The following ZNF469 variants were observed in gnomAD, a reference collection of about 807,000 sequenced individuals.
ZNF469 encodes zinc finger protein 469.
In ZNF469, 1 loss-of-function variant was observed where a neutral mutation model predicts 1.0. The ratio of observed to expected loss-of-function variants is 1.00; its 90% CI spans 0.35 to 4.73. The LOEUF (loss-of-function observed/expected upper bound fraction) is 4.73. ZNF469 is among the 30% of genes most tolerant of loss of function. ZNF469 has a pLI of 0.16. For missense variants in ZNF469, 6,100 were observed against 5,356.3 expected (o/e 1.14, Z -4.33); for synonymous variants, 2,703 against 2,363.4 (o/e 1.14, Z -4.17).
chr16:88,427,954 C>T lies in ZNF469; in HGVS notation c.484C>T (p.Leu162Phe). Residue 162 changes from leucine (L) to phenylalanine (F), a missense_variant, in exon 3 of 3, where the codon CTC becomes TTC. Leu to Phe is a conservative substitution (Grantham distance 22). Transcript: ENST00000565624. ...TPQGPGTGAP[L>F]RPGLPRTEAQ... ...CCAGGGCCCTGGGACTGGAGCTCCA[C>T]TCAGGCCGGGCCTCCCAAGGACTGA... 1 of 1,550,006 alleles carries T rather than the reference C, an allele frequency of 6.5e-7. No individual in the cohort carries two copies. The highest frequency in any genetic ancestry group is 8.7e-7 in the Non-Finnish European group (1 of 1,146,888).
the ZNF469 span, among the ~76,000 whole-genome samples, chr16:88,189,143 A>G: frequency 1.3e-5 from 2 of 152,242 alleles, no homozygotes; most frequent in Non-Finnish European, 2.9e-5. The surrounding 1 kb of genome is among the most constrained non-coding windows in gnomAD (Gnocchi z 4.3). Context: ...AGCTCCTAAC[A>G]GTCGGCTGCA....
Position 88,427,438 on chromosome 16 carries a change from G to C in ZNF469, c.-33G>C. 1 of 1,457,136 alleles carries C rather than the reference G, an allele frequency of 6.9e-7. No homozygotes were observed. The highest frequency in any genetic ancestry group is 2.5e-5 in the East Asian group (1 of 39,936). The allele number at this position is 1,457,136 out of a possible 1,614,324, so 90.3% of individuals were successfully genotyped here. On this transcript the variant is annotated 5_prime_UTR_variant, in exon 3 of 3. Coordinates refer to ENST00000565624, the MANE Select transcript of ZNF469 (RefSeq NM_001367624.2). ...CACTCCCCAGGGCCCCCCTCGGACA[G>C]CTGCGTCGTCCTAGCGCCAGGACGG...
intron 1 of ZNF469, among the ~76,000 whole-genome samples, 42 bp downstream of exon 1, chr16:88,383,296 G>A (rs1427364787): frequency 9.5e-5 from 14 of 147,414 alleles, no homozygotes; most frequent in African/African-American, 2.7e-4. Flanking sequence ...GGTGCCTGGG[G>A]ACCCCGGGCT....
the ZNF469 span, among the ~76,000 whole-genome samples, chr16:88,111,510 T>C: frequency 4.9e-5 from 1 of 20,448 alleles, no homozygotes; most frequent in South Asian, 1.5e-3. Flanking sequence ...TGTCTTTTTG[T>C]ACCCATTAAC....
chr16:88,125,683 A>C, the ZNF469 span, among the ~76,000 whole-genome samples: 1 of 152,248 alleles, frequency 6.6e-6, no homozygotes, highest in African/African-American at 2.4e-5. Flanking sequence ...ATATGATCTG[A>C]AGAGAAATCA....
chr16:88,369,115 G>A, the ZNF469 span, among the ~76,000 whole-genome samples: 8 of 150,846 alleles, frequency 5.3e-5, no homozygotes, highest in Admixed American at 1.3e-4. Flanking sequence ...GGTCTCCACA[G>A]CTTCCACTTT....
At chr16:88,350,360 C>T in the ZNF469 span, among the ~76,000 whole-genome samples, 35 of 152,358 alleles carry the variant, frequency 2.3e-4, no homozygotes, top group African/African-American at 7.7e-4. Flanking sequence ...CGCCACATCC[C>T]GGCACAAGGC....
the ZNF469 span, among the ~76,000 whole-genome samples, chr16:88,155,717 C>T: frequency 6.6e-6 from 1 of 152,192 alleles, no homozygotes; most frequent in Non-Finnish European, 1.5e-5. Context: ...GAATTTAGGT[C>T]GTTTTCACTT....
chr16:88,438,787 C>G lies in ZNF469; in HGVS notation c.11317C>G (p.Arg3773Gly), dbSNP rs976249492. Reference sequence around the variant, plus strand: ...CCCAGCCAAGCCCAGCTTCCCCAGCCGGAGCCCTGCACCAGAGAGGCTCCC... The same window carrying G: ...CCCAGCCAAGCCCAGCTTCCCCAGCGGGAGCCCTGCACCAGAGAGGCTCCC... ...TTPAKPSFPS[R>G]SPAPERLPAR... is the part of the protein sequence containing the mutation. The change falls in exon 3 of 3, where the codon CGG becomes GGG. Residue 3773 changes from arginine (R) to glycine (G), a missense_variant. Coordinates refer to ENST00000565624, the MANE Select transcript of ZNF469 (RefSeq NM_001367624.2). The G allele has an allele frequency of 1.8e-5, 28 of 1,550,080 alleles. No homozygotes were observed. Among genetic ancestry groups the G allele is most frequent in the Non-Finnish European group, 2.0e-5 (23 of 1,146,916 alleles).
chr16:88,144,241 C>T, the ZNF469 span, among the ~76,000 whole-genome samples: 1 of 152,226 alleles, frequency 6.6e-6, no homozygotes, highest in Non-Finnish European at 1.5e-5. Context: ...TCTCTGGTCC[C>T]GGCAGAGCTG....
chr16:88,105,945 A>T, the ZNF469 span, among the ~76,000 whole-genome samples: 1 of 152,202 alleles, frequency 6.6e-6, no homozygotes, highest in Non-Finnish European at 1.5e-5. Context: ...CTGGCCCAGG[A>T]GGCTCCATCA....
chr16:88,436,401 C>G lies in ZNF469; in HGVS notation c.8931C>G (p.His2977Gln), dbSNP rs758398877. 7.0e-5 allele frequency: 109 copies of G among 1,549,684 alleles called. No homozygotes were observed. Among genetic ancestry groups the G allele is most frequent in the South Asian group, 1.2e-4 (10 of 84,062 alleles). ...REAGAEKLPS[H>Q]CPEDDRPEAI... Reference sequence around the variant, plus strand: ...CTGGTGCAGAGAAGCTGCCCTCCCACTGCCCCGAGGACGATCGGCCGGAGG... The same window carrying G: ...CTGGTGCAGAGAAGCTGCCCTCCCAGTGCCCCGAGGACGATCGGCCGGAGG... Residue 2977 changes from histidine to glutamine, a missense_variant, in exon 3 of 3, where the codon CAC (histidine) becomes CAG (glutamine). Transcript: ENST00000565624.
chr16:88,258,195 CACATA>C, the ZNF469 span, among the ~76,000 whole-genome samples: 2 of 144,282 alleles, frequency 1.4e-5, no homozygotes, highest in African/African-American at 2.5e-5. Flanking sequence ...TTATGGGAGA[CACATA>C]ACAGAGAAAG....
the ZNF469 span, among the ~76,000 whole-genome samples, chr16:88,256,869 T>G: frequency 2.2e-3 from 322 of 147,470 alleles, 4 homozygotes; most frequent in African/African-American, 7.9e-3. Flanking sequence ...TTTCCTTCCT[T>G]TCTTTCTTTT....
chr16:88,344,937 C>T, the ZNF469 span, among the ~76,000 whole-genome samples: 1 of 152,214 alleles, frequency 6.6e-6, no homozygotes, highest in Non-Finnish European at 1.5e-5. Context: ...AGGTGTCAAG[C>T]GTGTGGCCCC....
At chr16:88,246,875 G>A in the ZNF469 span, among the ~76,000 whole-genome samples, 18,708 of 134,120 alleles carry the variant, frequency 0.14, 1,477 homozygotes, top group African/African-American at 0.26. Flanking sequence ...GAATGAGTGA[G>A]TGAATGAATG....
chr16:88,254,723 A>G, the ZNF469 span, among the ~76,000 whole-genome samples: 3 of 152,104 alleles, frequency 2.0e-5, no homozygotes, highest in Admixed American at 2.0e-4. Flanking sequence ...GCATCATTGC[A>G]CTCCAGCCTG....
At chr16:88,179,695 G>A in the ZNF469 span, among the ~76,000 whole-genome samples, 5 of 152,242 alleles carry the variant, frequency 3.3e-5, no homozygotes, top group African/African-American at 1.2e-4. Flanking sequence ...GAGAACCTCT[G>A]GTCTCTGGAA....
chr16:88,428,443 C>A lies in ZNF469; in HGVS notation c.973C>A (p.Pro325Thr). The A allele has an allele frequency of 5.2e-6, 8 of 1,548,350 alleles. No homozygotes were observed. The highest frequency in any genetic ancestry group is 7.0e-6 in the Non-Finnish European group (8 of 1,146,756). The change falls in exon 3 of 3, where the codon CCG becomes ACG. Residue 325 changes from proline to threonine, a missense_variant. Coordinates refer to ENST00000565624, the MANE Select transcript of ZNF469 (RefSeq NM_001367624.2). ...GGCCGTGGGCACGGGCCCTGCCTAC[C>A]CGCTGCCCACCCAGCCTGCGCCCTC... ...EEAVGTGPAY[P>T]LPTQPAPSPL...
Sources: allele counts gnomAD v4.1 joint callset (sites outside exome capture counted in the v4.1 genomes callset), GRCh38; gene constraint gnomAD v4.1.1; non-coding constraint Gnocchi (gnomAD v3.1); transcripts MANE v1.5; gene names NCBI Gene and HGNC (gene_info 2026-07-23, HGNC 2026-07-21).